Variants in TMEM244 observed in about 807,000 individuals in gnomAD.
TMEM244 encodes putative transmembrane protein 244.
TMEM244 carries 13 observed loss-of-function variants against 15.8 expected under a neutral mutation model. The ratio of observed to expected loss-of-function variants is 0.82; its 90% CI spans 0.53 to 1.30. The LOEUF (loss-of-function observed/expected upper bound fraction) is 1.30, where lower values mean the gene tolerates loss of function less well. TMEM244 is among the 50% of genes most tolerant of loss of function. The probability of loss-of-function intolerance (pLI) is 0.00; values close to 1 mark genes in which losing one functional copy is unlikely to be tolerated. For missense variants in TMEM244, 161 were observed against 144.9 expected, an observed-to-expected ratio of 1.11 and a Z score of -0.57; for synonymous variants, 45 against 48.7, an observed-to-expected ratio of 0.92 and a Z score of 0.32.
chr6:129,839,196 C>A (rs1014975365), intron 3 of TMEM244, among the ~76,000 whole-genome samples: 2 of 152,052 alleles, frequency 1.3e-5, no homozygotes, highest in African/African-American at 4.8e-5. Context: ...ACTGTCAAAC[C>A]GAATCCAGCA....
chr6:129,858,109 G>A (rs764266013), intron 1 of TMEM244, among the ~76,000 whole-genome samples: 1 of 151,900 alleles, frequency 6.6e-6, no homozygotes, highest in Admixed American at 6.6e-5. Flanking sequence ...TTTTTATGAC[G>A]AGTTCTTGGG....
At chr6:129,843,891 T>C (rs141814001) in intron 2 of TMEM244, among the ~76,000 whole-genome samples, 55 of 152,290 alleles carry the variant, frequency 3.6e-4, no homozygotes, top group African/African-American at 1.3e-3. Context: ...GGTATAAAGG[T>C]AACAAGGGAC....
intron 1 of TMEM244, among the ~76,000 whole-genome samples, chr6:129,857,852 G>A (rs1354292860): frequency 6.7e-6 from 1 of 148,950 alleles, no homozygotes; most frequent in African/African-American, 2.5e-5. Context: ...ACATATATAT[G>A]TATATATATA....
At chr6:129,850,039 G>A (rs1776615201) in intron 1 of TMEM244, among the ~76,000 whole-genome samples, 3 of 152,168 alleles carry the variant, frequency 2.0e-5, no homozygotes, top group Admixed American at 1.3e-4. Context: ...TTTTTAGAGA[G>A]AAGGAAAATG....
chr6:129,848,516 G>A (rs140438301), intron 1 of TMEM244, among the ~76,000 whole-genome samples: 56 of 152,198 alleles, frequency 3.7e-4, no homozygotes, highest in African/African-American at 1.0e-3. Flanking sequence ...AGGAAACTAC[G>A]TGTTCCACTT....
chr6:129,843,529 C>T lies in TMEM244; in HGVS notation c.193+1G>A, dbSNP rs746533952. 28 of 1,603,490 alleles carry T rather than the reference C, an allele frequency of 1.7e-5. No homozygotes were observed. Among genetic ancestry groups the T allele is most frequent in the Admixed American group, 8.4e-5 (5 of 59,790 alleles). ...TAAGAATTTAAAATTAAAACAATTA[C>T]CTTTATAGTTTATGTTGAGCCATGA... On this transcript the variant is annotated splice_donor_variant, in intron 3 of 4. Transcript: ENST00000368143. LOFTEE classifies it high-confidence loss of function.
At chr6:129,837,359 C>T (rs920304754) in intron 3 of TMEM244, among the ~76,000 whole-genome samples, 6 of 152,158 alleles carry the variant, frequency 3.9e-5, no homozygotes, top group Non-Finnish European at 7.4e-5. Flanking sequence ...AAATCCTTTA[C>T]AGAGAAGCAA....
At chr6:129,861,050 T>G in intron 1 of TMEM244, 106 bp downstream of exon 1, 1 of 1,261,044 alleles carries the variant, frequency 7.9e-7, no homozygotes, top group Non-Finnish European at 1.1e-6. Context: ...CAGCCAAAAG[T>G]GAAACAAGTT....
chr6:129,842,223 A>G (rs1407709172), intron 3 of TMEM244, among the ~76,000 whole-genome samples: 4 of 152,154 alleles, frequency 2.6e-5, no homozygotes, highest in African/African-American at 9.7e-5. Context: ...TGAGTGTTCA[A>G]TCTCTCCCTC....
intron 1 of TMEM244, among the ~76,000 whole-genome samples, chr6:129,847,649 A>G (rs995356741): frequency 1.3e-5 from 2 of 151,956 alleles, no homozygotes; most frequent in African/African-American, 4.8e-5. Flanking sequence ...ACCATCCTCA[A>G]CACCCTCTAC....
At chr6:129,854,662 A>G (rs192061851) in intron 1 of TMEM244, among the ~76,000 whole-genome samples, 1 of 152,316 alleles carries the variant, frequency 6.6e-6, no homozygotes, top group East Asian at 1.9e-4. Context: ...TGAAAGAGGT[A>G]CAATTGTATA....
At chr6:129,834,802 A>C (rs748447380) in intron 3 of TMEM244, among the ~76,000 whole-genome samples, 2 of 152,172 alleles carry the variant, frequency 1.3e-5, no homozygotes, top group Non-Finnish European at 2.9e-5. Flanking sequence ...CTGTTGTGTC[A>C]TATTGACACC....
intron 4 of TMEM244, 43 bp from the exon 5 acceptor site, chr6:129,831,429 T>G: frequency 7.4e-7 from 1 of 1,346,286 alleles, no homozygotes; most frequent in Non-Finnish European, 1.1e-6. Context: ...CATGCGTTTT[T>G]ATATTTTGCT....
At chr6:129,846,851 C>T (rs1444017016) in intron 1 of TMEM244, among the ~76,000 whole-genome samples, 3 of 152,098 alleles carry the variant, frequency 2.0e-5, no homozygotes, top group South Asian at 4.1e-4. Context: ...ATGTACTCTT[C>T]CACAGCTGAG....
At chr6:129,855,524 C>T (rs17397420) in intron 1 of TMEM244, among the ~76,000 whole-genome samples, 82 of 152,272 alleles carry the variant, frequency 5.4e-4, no homozygotes, top group African/African-American at 1.9e-3. Context: ...AAATCCTACA[C>T]GGATATAAAA....
At chr6:129,858,016 C>A (rs2114648395) in intron 1 of TMEM244, among the ~76,000 whole-genome samples, 1 of 151,950 alleles carries the variant, frequency 6.6e-6, no homozygotes, top group Middle Eastern at 3.4e-3. Flanking sequence ...GATATATGAA[C>A]ATCTAAATTA....
At position 129,857,317 on chromosome 6, in the gene TMEM244, TAC is replaced by T. The variant is rs139849085; in HGVS notation, c.33+3837_33+3838del. Among the ~76,000 whole-genome samples the T allele has an allele frequency of 1.0e-3, 148 of 148,688 alleles. 1 individual carries two copies. The Middle Eastern group carries it at 0.01, about 10-fold the overall frequency. On this transcript the variant is annotated intron_variant, in intron 1 of 4. Coordinates refer to ENST00000368143, the MANE Select transcript of TMEM244 (RefSeq NM_001010876.2). ...AACATATATATTTTATATGTGTGTA[TAC>T]ACACACACACACACACACACACATA...
At chr6:129,836,541 T>C (rs71570986) in intron 3 of TMEM244, among the ~76,000 whole-genome samples, 56,589 of 151,832 alleles carry the variant, frequency 0.37, 11,025 homozygotes, top group South Asian at 0.5. Flanking sequence ...TCCTCGCCAG[T>C]GAGGGAACAA....
chr6:129,857,875 C>CA (rs1289507182), intron 1 of TMEM244, among the ~76,000 whole-genome samples: 2 of 150,446 alleles, frequency 1.3e-5, no homozygotes, highest in South Asian at 4.2e-4. Context: ...TCTGATCAGA[C>CA]AAAATCATTA....
Sources: allele counts gnomAD v4.1 joint callset (sites outside exome capture counted in the v4.1 genomes callset), GRCh38; gene constraint gnomAD v4.1.1; transcripts MANE v1.5; gene names NCBI Gene and HGNC (gene_info 2026-07-23, HGNC 2026-07-21).